The following MAGI1 variants were observed in gnomAD, a reference collection of about 807,000 sequenced individuals.
MAGI1 encodes the protein membrane associated guanylate kinase, WW and PDZ domain containing 1, also known as membrane-associated guanylate kinase, WW and PDZ domain-containing protein 1.
A neutral mutation model predicts 139.9 loss-of-function variants in MAGI1; 58 were observed. The ratio of observed to expected loss-of-function variants is 0.41; its 90% CI spans 0.34 to 0.52. The LOEUF is 0.52. Among genes scored for constraint, MAGI1 ranks in the 20% least tolerant of loss-of-function variants. MAGI1 has a pLI of 0.12. For synonymous variants in MAGI1, 812 were observed against 737.9 expected (o/e 1.10, Z -1.63); for missense variants, 1,874 against 1,901.6 (o/e 0.99, Z 0.27).
At chr3:65,977,432 CG>C (rs2065320699) in intron 1 of MAGI1, among the ~76,000 whole-genome samples, 1 of 152,130 alleles carries the variant, frequency 6.6e-6, no homozygotes, top group Non-Finnish European at 1.5e-5. Flanking sequence ...AAAACTCGGC[CG>C]GGCGCGGTGG....
intron 2 of MAGI1, among the ~76,000 whole-genome samples, chr3:65,582,308 T>A (rs192721459): frequency 6.6e-6 from 1 of 152,166 alleles, no homozygotes; most frequent in Non-Finnish European, 1.5e-5. Context: ...ATGTTTCTGA[T>A]TCTACCCAGC....
chr3:65,690,596 C>T (rs916971650), intron 1 of MAGI1, among the ~76,000 whole-genome samples: 2 of 151,776 alleles, frequency 1.3e-5, no homozygotes, highest in Admixed American at 1.3e-4. Context: ...CGTACCTCAG[C>T]CTCTCAAATA....
intron 12 of MAGI1, among the ~76,000 whole-genome samples, chr3:65,411,530 C>T (rs1273977225): frequency 6.6e-6 from 1 of 152,022 alleles, no homozygotes; most frequent in Non-Finnish European, 1.5e-5. Context: ...AAATAGCTCA[C>T]CAAAAGAAAA....
intron 1 of MAGI1, among the ~76,000 whole-genome samples, chr3:65,963,239 G>A (rs1399550707): frequency 1.3e-5 from 2 of 149,388 alleles, no homozygotes; most frequent in African/African-American, 5.0e-5. Flanking sequence ...TTGAACCCGG[G>A]AGGTGGAGGT....
intron 1 of MAGI1, among the ~76,000 whole-genome samples, chr3:65,908,811 T>C (rs1201659097): frequency 6.6e-6 from 1 of 152,158 alleles, no homozygotes; most frequent in Non-Finnish European, 1.5e-5. Context: ...GCCTTATCAT[T>C]AGAGGACTCT....
intron 2 of MAGI1, among the ~76,000 whole-genome samples, chr3:65,601,260 T>C (rs1023702647): frequency 6.6e-6 from 1 of 152,230 alleles, no homozygotes; most frequent in African/African-American, 2.4e-5. Context: ...AGGGGTTTTA[T>C]AGTTTGTTTG....
chr3:65,441,771 G>C (rs968480437), intron 8 of MAGI1, among the ~76,000 whole-genome samples: 19 of 152,148 alleles, frequency 1.2e-4, no homozygotes, highest in African/African-American at 4.3e-4. Flanking sequence ...CCTCTTGTTA[G>C]GCAAAGTGGA....
intron 1 of MAGI1, among the ~76,000 whole-genome samples, chr3:65,939,843 A>G (rs1322847480): frequency 6.6e-6 from 1 of 152,182 alleles, no homozygotes; most frequent in Non-Finnish European, 1.5e-5. Flanking sequence ...ATTAATAAGC[A>G]CATTGTGGCC....
chr3:65,946,290 C>T (rs1279099421), intron 1 of MAGI1, among the ~76,000 whole-genome samples: 2 of 152,224 alleles, frequency 1.3e-5, no homozygotes, highest in African/African-American at 2.4e-5. Flanking sequence ...AAAGAACTTT[C>T]GGGAACTACA....
At chr3:66,003,131 T>C (rs2066835793) in intron 1 of MAGI1, among the ~76,000 whole-genome samples, 1 of 152,114 alleles carries the variant, frequency 6.6e-6, no homozygotes, top group African/African-American at 2.4e-5. Flanking sequence ...CCTGTAAGAC[T>C]GTGAAGATGA....
At chr3:66,030,645 T>C (rs1201556024) in intron 1 of MAGI1, among the ~76,000 whole-genome samples, 1 of 152,036 alleles carries the variant, frequency 6.6e-6, no homozygotes, top group Non-Finnish European at 1.5e-5. Flanking sequence ...CAGAAAGACT[T>C]GAAGCTCAAG....
chr3:65,561,933 T>C (rs918328034), intron 2 of MAGI1, among the ~76,000 whole-genome samples: 7 of 152,190 alleles, frequency 4.6e-5, no homozygotes, highest in Non-Finnish European at 8.8e-5. Context: ...AGTTTGACAA[T>C]AGGTGCTTAT....
chr3:65,542,943 C>A (rs1183906527), intron 2 of MAGI1, among the ~76,000 whole-genome samples: 1 of 152,138 alleles, frequency 6.6e-6, no homozygotes, highest in Non-Finnish European at 1.5e-5. Context: ...GCAAAAGAAA[C>A]TACCATCAGA....
rs113516335 is a variant in MAGI1, at chr3:65,575,579, T to C, written c.430+46393A>G. 5.3e-5 allele frequency among the ~76,000 whole-genome samples: 8 copies of C among 152,288 alleles called. No homozygotes were observed. In the East Asian group the frequency reaches 9.6e-4, roughly 18 times the overall value. On this transcript the variant is annotated intron_variant, in intron 2 of 22. Coordinates refer to ENST00000402939, the MANE Select transcript of MAGI1 (RefSeq NM_001033057.2). ...ATAAAGACTTACACACAAATGTTCA[T>C]AGCAGCTTAATCTGTAATAGACAAA... is the stretch of plus-strand genomic sequence containing the variant.
At chr3:65,467,622 C>T (rs1029770907) in intron 5 of MAGI1, among the ~76,000 whole-genome samples, 3 of 152,184 alleles carry the variant, frequency 2.0e-5, no homozygotes, top group Admixed American at 1.3e-4. Flanking sequence ...CAAATCACTA[C>T]ATTCTCTTGT....
intron 2 of MAGI1, among the ~76,000 whole-genome samples, chr3:65,560,103 C>CAT (rs940063929): frequency 9.9e-5 from 15 of 152,110 alleles, no homozygotes; most frequent in Admixed American, 2.6e-4. Flanking sequence ...TACAAAACTC[C>CAT]ATATATATAG....
intron 14 of MAGI1, among the ~76,000 whole-genome samples, chr3:65,389,631 C>T (rs1943740956): frequency 6.6e-6 from 1 of 152,162 alleles, no homozygotes; most frequent in Admixed American, 6.5e-5. Context: ...AGCGAGGAGA[C>T]ACAATGAGGA....
intron 1 of MAGI1, among the ~76,000 whole-genome samples, chr3:65,953,951 T>G (rs2063987321): frequency 6.6e-6 from 1 of 152,232 alleles, no homozygotes; most frequent in Non-Finnish European, 1.5e-5. Context: ...TTTCTTGGAC[T>G]AATTTAAAAG....
chr3:65,379,854 G>A (rs992667195), intron 16 of MAGI1, among the ~76,000 whole-genome samples: 1 of 152,218 alleles, frequency 6.6e-6, no homozygotes, highest in Admixed American at 6.5e-5. Context: ...TCTGCAGCAA[G>A]ATCGGCCTGC....
Sources: gnomAD v4.1 joint callset for allele counts (sites outside exome capture counted in the v4.1 genomes callset) on GRCh38, gnomAD v4.1.1 for gene constraint, MANE v1.5 for transcripts, NCBI Gene and HGNC (gene_info 2026-07-23, HGNC 2026-07-21) for gene names.